PRKN: variants seen among roughly 807,000 people sequenced by gnomAD.
PRKN encodes the protein parkin RBR E3 ubiquitin protein ligase, also known as E3 ubiquitin-protein ligase parkin.
In PRKN, 56 loss-of-function variants were observed where a neutral mutation model predicts 59.5. That is an observed-to-expected ratio of 0.94 (90% CI 0.76 to 1.18). The LOEUF is 1.18. Ranked by LOEUF, PRKN falls within the 50% of genes most tolerant of loss-of-function variation. PRKN has a pLI of 0.00. For missense variants in PRKN, 657 were observed against 596.4 expected, an observed-to-expected ratio of 1.10 and a Z score of -1.06; for synonymous variants, 250 against 222.1, an observed-to-expected ratio of 1.13 and a Z score of -1.12.
At chr6:161,616,889 C>A (rs1782718919) in intron 7 of PRKN, among the ~76,000 whole-genome samples, 1 of 152,064 alleles carries the variant, frequency 6.6e-6, no homozygotes. Flanking sequence ...TGTGTCTTTA[C>A]AGTAAAATGA....
chr6:161,782,247 T>A (rs1480134611), intron 7 of PRKN, among the ~76,000 whole-genome samples: 1 of 152,202 alleles, frequency 6.6e-6, no homozygotes, highest in Admixed American at 6.5e-5. Context: ...AAAATATCTA[T>A]ATCGGACTAG....
intron 1 of PRKN, among the ~76,000 whole-genome samples, chr6:162,591,883 G>A (rs1201770536): frequency 1.4e-5 from 2 of 145,424 alleles, no homozygotes; most frequent in Non-Finnish European, 3.0e-5. Context: ...CCTATGTACT[G>A]AACTGCTAGA....
At chr6:161,916,954 A>T (rs920773905) in intron 6 of PRKN, among the ~76,000 whole-genome samples, 2 of 152,042 alleles carry the variant, frequency 1.3e-5, no homozygotes, top group African/African-American at 4.8e-5. Context: ...GGCGCCCGCC[A>T]CCATGCCCGG....
chr6:162,395,092 A>G (rs1188008134), intron 2 of PRKN, among the ~76,000 whole-genome samples: 2 of 152,160 alleles, frequency 1.3e-5, no homozygotes, highest in African/African-American at 4.8e-5. Context: ...AACTTTATTA[A>G]TATAAAAAGA....
At chr6:162,200,403 T>C (rs1784676720) in intron 4 of PRKN, among the ~76,000 whole-genome samples, 1 of 152,174 alleles carries the variant, frequency 6.6e-6, no homozygotes, top group South Asian at 2.1e-4. Flanking sequence ...TACTCCACTC[T>C]GCACTTAAAG....
rs1207961196 is a variant in PRKN at position 161,502,005 on chromosome 6, T to C, written c.1083+46849A>G. Among the ~76,000 whole-genome samples the C allele has an allele frequency of 6.6e-6, 1 of 152,192 alleles. No homozygotes were observed. The highest frequency in any genetic ancestry group is 1.5e-5 in the Non-Finnish European group (1 of 68,040). On this transcript the variant is annotated intron_variant, in intron 9 of 11. Coordinates refer to ENST00000366898, the MANE Select transcript of PRKN (RefSeq NM_004562.3). The surrounding 1 kb of genome is among the most constrained non-coding windows in gnomAD (Gnocchi z 4.0). ...TCAGTGAGTGACATGAGAGAGAAAG[T>C]CTGCATGTCTTAGTTATCAGCCATG...
chr6:162,715,853 CCT>C (rs1381191737), intron 1 of PRKN, among the ~76,000 whole-genome samples: 4 of 152,162 alleles, frequency 2.6e-5, no homozygotes, highest in African/African-American at 7.2e-5. Context: ...CTGGGGCCAG[CCT>C]CTCTGTTTCA....
intron 6 of PRKN, among the ~76,000 whole-genome samples, chr6:161,877,720 A>G (rs1019868364): frequency 6.6e-6 from 1 of 151,892 alleles, no homozygotes; most frequent in African/African-American, 2.4e-5. Flanking sequence ...TGCCCGCCTC[A>G]GCCTCCCAAA....
intron 7 of PRKN, among the ~76,000 whole-genome samples, chr6:161,605,579 T>C (rs1388761841): frequency 6.6e-6 from 1 of 151,720 alleles, no homozygotes; most frequent in East Asian, 2.0e-4. Flanking sequence ...TGGCGCGATC[T>C]TGGCTCACTA....
At chr6:162,272,720 G>A (rs1007396934) in intron 2 of PRKN, among the ~76,000 whole-genome samples, 1 of 152,082 alleles carries the variant, frequency 6.6e-6, no homozygotes, top group Non-Finnish European at 1.5e-5. Flanking sequence ...ATTATGGGCT[G>A]GGTGCGGTGG....
At chr6:161,949,308 C>T (rs565508268) in intron 6 of PRKN, among the ~76,000 whole-genome samples, 4 of 152,260 alleles carry the variant, frequency 2.6e-5, no homozygotes, top group Admixed American at 6.5e-5. Context: ...GGTCAGAGTT[C>T]GAGACCAGCC....
intron 9 of PRKN, among the ~76,000 whole-genome samples, chr6:161,490,444 G>C (rs1244010576): frequency 7.2e-6 from 1 of 138,172 alleles, no homozygotes; most frequent in Non-Finnish European, 1.5e-5. Context: ...GAGTGCAGTG[G>C]CATGATCTCA....
Position 162,719,405 on chromosome 6 carries a change from G to A in PRKN, c.7+8257C>T, listed in dbSNP as rs111536965. Among the ~76,000 whole-genome samples the A allele has an allele frequency of 5.1e-3, 778 of 152,098 alleles. 7 individuals are homozygous for A. The highest frequency in any genetic ancestry group is 0.017 in the African/African-American group (710 of 41,506). The stretch of plus-strand genomic sequence containing the variant: ...AAGGACTTTCAGGAGAAAGGAGGTC[G>A]AATTTCAAGGGTGGAGAGAAGACCC... On this transcript the variant is annotated intron_variant, in intron 1 of 11. Transcript: ENST00000366898.
At chr6:162,103,726 G>C (rs919378337) in intron 4 of PRKN, among the ~76,000 whole-genome samples, 1 of 152,122 alleles carries the variant, frequency 6.6e-6, no homozygotes, top group Non-Finnish European at 1.5e-5. Context: ...GGCCTTCTGA[G>C]CCCAGAAAGG....
In PRKN at chr6:161,360,120, C is replaced by G; in HGVS notation, c.1253G>C (p.Cys418Ser). The change falls in exon 11 of 12, where the codon TGT becomes TCT. Residue 418 changes from cysteine to serine, a missense_variant. By Grantham distance (112) the Cys-to-Ser change is moderately radical (BLOSUM62 -1). Coordinates refer to ENST00000366898, the MANE Select transcript of PRKN (RefSeq NM_004562.3). The surrounding 1 kb of genome is among the most constrained non-coding windows in gnomAD (Gnocchi z 5.1). ...KETIKKTTKP[C>S]PRCHVPVEKN... is the part of the protein sequence containing the mutation. Reference sequence around the variant, plus strand: ...TTCCACTGGTACATGGCAGCGGGGACAGGGCTTGGTGGTTTTCTTGATGGT... The same window carrying G: ...TTCCACTGGTACATGGCAGCGGGGAGAGGGCTTGGTGGTTTTCTTGATGGT... The G allele has an allele frequency of 6.2e-7, 1 of 1,614,082 alleles. No homozygotes were observed. Among genetic ancestry groups the G allele is most frequent in the South Asian group, 1.1e-5 (1 of 91,080 alleles).
At chr6:161,455,371 C>T (rs1583091278) in intron 9 of PRKN, among the ~76,000 whole-genome samples, 1 of 152,120 alleles carries the variant, frequency 6.6e-6, no homozygotes, top group South Asian at 2.1e-4. Context: ...AGCACAATGG[C>T]CAGCATGCAG....
chr6:162,386,449 GCT>G (rs1426207124), intron 2 of PRKN, among the ~76,000 whole-genome samples: 1 of 152,152 alleles, frequency 6.6e-6, no homozygotes, highest in Non-Finnish European at 1.5e-5. Context: ...TCTTGTCTCT[GCT>G]CCTGCCACAA....
intron 7 of PRKN, among the ~76,000 whole-genome samples, chr6:161,651,364 G>T (rs1234709243): frequency 6.6e-6 from 1 of 152,196 alleles, no homozygotes; most frequent in Non-Finnish European, 1.5e-5. Flanking sequence ...GTTTCTTCAA[G>T]TATGGGCCAG....
chr6:162,642,642 A>C (rs1054040098), intron 1 of PRKN, among the ~76,000 whole-genome samples: 1 of 151,932 alleles, frequency 6.6e-6, no homozygotes, highest in African/African-American at 2.4e-5. Flanking sequence ...CAGACTAAGT[A>C]GTTGCTTCAT....
Sources: allele counts gnomAD v4.1 joint callset (sites outside exome capture counted in the v4.1 genomes callset), GRCh38; gene constraint gnomAD v4.1.1; non-coding constraint Gnocchi (gnomAD v3.1); transcripts MANE v1.5; gene names NCBI Gene and HGNC (gene_info 2026-07-23, HGNC 2026-07-21).